Variants in IKBIP observed in about 807,000 individuals in gnomAD.
IKBIP encodes the protein IKBKB interacting protein.
A neutral mutation model predicts 31.0 loss-of-function variants in IKBIP; 28 were observed. That is an observed-to-expected ratio of 0.90 (90% CI 0.67 to 1.24). The LOEUF (loss-of-function observed/expected upper bound fraction) is 1.24. IKBIP is among the 50% of genes most tolerant of loss of function. The probability of loss-of-function intolerance (pLI) is 0.00; values close to 1 mark genes in which losing one functional copy is unlikely to be tolerated. For missense variants in IKBIP, 453 were observed against 441.9 expected (o/e 1.03, Z -0.23); for synonymous variants, 164 against 160.3 (o/e 1.02, Z -0.17).
downstream of IKBIP, among the ~76,000 whole-genome samples, chr12:98,621,139 C>T (rs754777151): frequency 6.6e-6 from 1 of 152,068 alleles, no homozygotes; most frequent in Non-Finnish European, 1.5e-5. Flanking sequence ...ATCCCAGGTA[C>T]TTGGGAGGCT....
chr12:98,641,238 C>T (rs1381513583), intron 1 of IKBIP, among the ~76,000 whole-genome samples: 3 of 152,146 alleles, frequency 2.0e-5, no homozygotes, highest in Non-Finnish European at 4.4e-5. Flanking sequence ...CCAACTTAAT[C>T]AGATGAAGAG....
rs1465010731 is a variant in IKBIP at position 98,626,509 on chromosome 12, A to T, written c.555T>A (p.Thr185=). ...SEAKHIHSQV[T]VQINSAEQEI... is the part of the protein sequence containing the mutation. ...CCTGCTCAGCTGAGTTAATTTGGAC[A>T]GTTACTTGAGAATGTATATGTTTTG... Residue 185 remains threonine, a synonymous_variant, in exon 3 of 3, where the codon ACT becomes ACA. Coordinates refer to ENST00000299157, the MANE Select transcript of IKBIP (RefSeq NM_153687.4). 1 of 1,613,606 alleles carries T rather than the reference A, an allele frequency of 6.2e-7. No individual in the cohort carries two copies. Among genetic ancestry groups the T allele is most frequent in the Non-Finnish European group, 8.5e-7 (1 of 1,179,992 alleles).
At chr12:98,619,349 T>G (rs910568266), downstream of IKBIP, among the ~76,000 whole-genome samples, 7 of 152,068 alleles carry the variant, frequency 4.6e-5, no homozygotes, top group Non-Finnish European at 1.0e-4. Flanking sequence ...ATTAAACAAT[T>G]AAGATGTTGA....
chr12:98,644,526 G>A lies in IKBIP; in HGVS notation c.176C>T (p.Ala59Val). Reference protein sequence around the residue: ...LLSLGTCLGLAWFVFQQSEKF... With the variant: ...LLSLGTCLGLVWFVFQQSEKF... ...AGGCAGCCTCGCGTCCACTTACCAGGCCAGGCCCAGGCACGTCCCCAGCGA... is the reference window on the plus strand; with the variant it reads ...AGGCAGCCTCGCGTCCACTTACCAGACCAGGCCCAGGCACGTCCCCAGCGA... Residue 59 changes from alanine (A) to valine (V), a missense_variant, in exon 1 of 3, where the codon GCC (alanine) becomes GTC (valine). By Grantham distance (64) the Ala-to-Val change is moderately conservative. Coordinates refer to ENST00000299157, the MANE Select transcript of IKBIP (RefSeq NM_153687.4). 1 of 1,596,752 alleles carries A rather than the reference G, an allele frequency of 6.3e-7. No homozygotes were observed. Among genetic ancestry groups the A allele is most frequent in the Non-Finnish European group, 8.5e-7 (1 of 1,172,956 alleles).
chr12:98,626,894 T>C (rs1230947191), intron 2 of IKBIP, 128 bp from the exon 3 acceptor site: 2 of 658,498 alleles, frequency 3.0e-6, no homozygotes, highest in Admixed American at 2.8e-5. Flanking sequence ...AATATCCAAG[T>C]ATATCAGAAT....
chr12:98,644,757 G>C lies in IKBIP; in HGVS notation c.-56C>G. On this transcript the variant is annotated 5_prime_UTR_variant, in exon 1 of 3. Coordinates refer to ENST00000299157, the MANE Select transcript of IKBIP (RefSeq NM_153687.4). ...GCAGCTTCTTCACCAGGGGGAGCAGGACGTGGCCGCCTTGGCGTTCGTGGG... is the reference window on the plus strand; with the variant it reads ...GCAGCTTCTTCACCAGGGGGAGCAGCACGTGGCCGCCTTGGCGTTCGTGGG... The C allele has an allele frequency of 1.3e-6, 2 of 1,555,482 alleles. No homozygotes were observed. The highest frequency in any genetic ancestry group is 1.7e-6 in the Non-Finnish European group (2 of 1,155,482).
intron 1 of IKBIP, among the ~76,000 whole-genome samples, chr12:98,641,199 G>A (rs927530140): frequency 6.6e-6 from 1 of 152,108 alleles, no homozygotes; most frequent in Admixed American, 6.6e-5. Flanking sequence ...ATCCTTCTTG[G>A]GCAGTGGAAG....
chr12:98,613,534 T>A (rs370373884), exon 3 of IKBIP: 1 of 885,420 alleles, frequency 1.1e-6, no homozygotes, highest in Non-Finnish European at 1.7e-6. Flanking sequence ...AGTCTTCTCA[T>A]GAGAGGTCCC....
At position 98,625,790 on chromosome 12, in the gene IKBIP, G is replaced by A. The variant is rs1018244924; in HGVS notation, c.*140C>T. The stretch of plus-strand genomic sequence containing the variant: ...GCTTAAAAAGATAAGCTTTGATTAT[G>A]TGGATAATCCATTTGTGTGGACATC... On this transcript the variant is annotated 3_prime_UTR_variant, in exon 3 of 3. Transcript: ENST00000299157. 1 of 580,120 alleles carries A rather than the reference G, an allele frequency of 1.7e-6. No homozygotes were observed. Among genetic ancestry groups the A allele is most frequent in the South Asian group, 7.7e-5 (1 of 12,974 alleles). 35.9% of individuals were successfully genotyped at this position (580,120 alleles called of 1,614,324 possible).
chr12:98,624,294 A>G lies in IKBIP; in HGVS notation c.*1636T>C, dbSNP rs1478510991. ...TTACCATTAATATAAAAGTAAACAA[A>G]TAGAATTTTGTCAGTGCACGCAAAT... On this transcript the variant is annotated 3_prime_UTR_variant, in exon 3 of 3. Transcript: ENST00000299157. 3 of 973,086 alleles carry G rather than the reference A, an allele frequency of 3.1e-6. No individual in the cohort carries two copies. Among genetic ancestry groups the G allele is most frequent in the Non-Finnish European group, 3.7e-6 (3 of 818,688 alleles). 60.3% of individuals were successfully genotyped at this position (973,086 alleles called of 1,614,324 possible). A position where few individuals can be genotyped will look rare whatever the true frequency, so the allele number is the denominator to read the frequency against.
At chr12:98,644,452 T>C (rs2097635899) in intron 1 of IKBIP, 71 bp downstream of exon 1, 8 of 1,441,286 alleles carry the variant, frequency 5.6e-6, no homozygotes, top group Non-Finnish European at 6.5e-6. Flanking sequence ...GGCTGGATGT[T>C]GAGCCGGGTG....
At chr12:98,616,823 G>T (rs1310944770) in intron 2 of IKBIP, among the ~76,000 whole-genome samples, 1 of 151,952 alleles carries the variant, frequency 6.6e-6, no homozygotes, top group Non-Finnish European at 1.5e-5. Context: ...TGGGCTCTCT[G>T]TTCCATTAGT....
chr12:98,629,289 C>A (rs1315990584), intron 2 of IKBIP, among the ~76,000 whole-genome samples: 2 of 152,106 alleles, frequency 1.3e-5, no homozygotes, highest in Non-Finnish European at 1.5e-5. Context: ...CGCCTTAATC[C>A]CAACATGTTG....
rs563189543 is a variant in IKBIP at position 98,639,788 on chromosome 12, G to A, written c.179+4735C>T. On this transcript the variant is annotated intron_variant, in intron 1 of 2. Transcript: ENST00000299157. ...GCAAATAACCAAAGGAAGCTGTTAC[G>A]GACCTTCTGCAAGGAAAGAAGTTCC... is the stretch of plus-strand genomic sequence containing the variant. 1.4e-4 allele frequency among the ~76,000 whole-genome samples: 22 copies of A among 152,238 alleles called. No individual in the cohort carries two copies. The South Asian group carries it at 2.9e-3, about 20-fold the overall frequency.
intron 2 of IKBIP, among the ~76,000 whole-genome samples, chr12:98,628,296 GTAATATCTAA>G (rs1484209907): frequency 6.6e-6 from 1 of 152,232 alleles, no homozygotes; most frequent in Non-Finnish European, 1.5e-5. Flanking sequence ...TTTAGAAAAA[GTAATATCTAA>G]TATCTGCTTC....
At chr12:98,644,497 GC>G (rs1565846880) in intron 1 of IKBIP, 25 bp downstream of exon 1, 4 of 1,556,510 alleles carry the variant, frequency 2.6e-6, no homozygotes, top group Non-Finnish European at 3.5e-6. Flanking sequence ...CAGGAGGCCG[GC>G]CCAGGCAGCC....
At position 98,626,234 on chromosome 12, in the gene IKBIP, T is replaced by C. The variant is rs372204650; in HGVS notation, c.830A>G (p.Glu277Gly). 10 of 1,614,078 alleles carry C rather than the reference T, an allele frequency of 6.2e-6. No individual in the cohort carries two copies. In the African/African-American group the frequency reaches 1.1e-4, roughly 17 times the overall value. The change falls in exon 3 of 3, where the codon GAA becomes GGA. Residue 277 changes from glutamate to glycine, a missense_variant. Transcript: ENST00000299157. ...EECKTHLPTI[E>G]SAIHSVLRVS... Reference sequence around the variant, plus strand: ...TCTGAGAACAGAGTGAATAGCACTTTCAATTGTTGGCAAATGTGTCTTGCA... The same window carrying C: ...TCTGAGAACAGAGTGAATAGCACTTCCAATTGTTGGCAAATGTGTCTTGCA...
At chr12:98,615,934 T>C (rs1477707409) in intron 2 of IKBIP, among the ~76,000 whole-genome samples, 1 of 151,932 alleles carries the variant, frequency 6.6e-6, no homozygotes, top group Non-Finnish European at 1.5e-5. Context: ...ATCTTGGCTA[T>C]TGGGAGTAAT....
At chr12:98,627,220 C>T (rs980075970) in intron 2 of IKBIP, among the ~76,000 whole-genome samples, 4 of 151,284 alleles carry the variant, frequency 2.6e-5, no homozygotes, top group Admixed American at 1.3e-4. Flanking sequence ...CCGTCTGCCT[C>T]GGCCTCCCAA....
Sources: gnomAD v4.1 joint callset for allele counts (sites outside exome capture counted in the v4.1 genomes callset) on GRCh38, gnomAD v4.1.1 for gene constraint, MANE v1.5 for transcripts, NCBI Gene and HGNC (gene_info 2026-07-23, HGNC 2026-07-21) for gene names.